CD2AP: variants seen among roughly 807,000 people sequenced by gnomAD.
CD2AP encodes the protein CD2-associated protein.
In CD2AP, 46 loss-of-function variants were observed where a neutral mutation model predicts 85.1. The observed-to-expected ratio is 0.54, with a 90% CI of 0.43 to 0.69. The LOEUF is 0.69. Ranked by LOEUF, CD2AP falls within the 30% of genes least tolerant of loss-of-function variation. CD2AP has a pLI of 0.00. For missense variants in CD2AP, 769 were observed against 729.5 expected, an observed-to-expected ratio of 1.05 and a Z score of -0.62; for synonymous variants, 255 against 252.9, an observed-to-expected ratio of 1.01 and a Z score of -0.08.
intron 1 of CD2AP, among the ~76,000 whole-genome samples, chr6:47,487,306 T>C (rs1582465310): frequency 6.6e-6 from 1 of 152,208 alleles, no homozygotes; most frequent in East Asian, 1.9e-4. Context: ...AGCCCTTTTT[T>C]CTCACAAAAT....
chr6:47,552,706 A>G (rs921011379), intron 4 of CD2AP, among the ~76,000 whole-genome samples: 13 of 152,180 alleles, frequency 8.5e-5, no homozygotes, highest in South Asian at 2.1e-4. Context: ...TAGGTAATAG[A>G]CAGCTGATGT....
intron 3 of CD2AP, among the ~76,000 whole-genome samples, chr6:47,540,630 A>G (rs1405925206): frequency 6.6e-6 from 1 of 152,018 alleles, no homozygotes; most frequent in Non-Finnish European, 1.5e-5. Context: ...GTTTAGTGTG[A>G]GAGGAAGAAA....
chr6:47,540,392 A>G (rs1767182409), intron 3 of CD2AP, among the ~76,000 whole-genome samples: 1 of 152,116 alleles, frequency 6.6e-6, no homozygotes, highest in Admixed American at 6.5e-5. Flanking sequence ...CAGTTAAATT[A>G]ATGGATGGAT....
intron 2 of CD2AP, among the ~76,000 whole-genome samples, chr6:47,527,152 G>A (rs1431874606): frequency 6.6e-6 from 1 of 151,824 alleles, no homozygotes; most frequent in African/African-American, 2.4e-5. Context: ...AAAAAGAAAA[G>A]TTTTTTTGAA....
chr6:47,547,462 G>A (rs12190577), intron 4 of CD2AP, among the ~76,000 whole-genome samples: 50,938 of 151,416 alleles, frequency 0.34, 9,372 homozygotes, highest in Middle Eastern at 0.53. Flanking sequence ...AAAAGGCCTT[G>A]TCCAACAAGA....
chr6:47,623,940 G>A (rs938677610), intron 17 of CD2AP, among the ~76,000 whole-genome samples: 1 of 151,972 alleles, frequency 6.6e-6, no homozygotes, highest in Non-Finnish European at 1.5e-5. Context: ...ATGCTCACAT[G>A]ACTTAACATT....
chr6:47,487,456 C>G (rs1157694066), intron 1 of CD2AP, among the ~76,000 whole-genome samples: 1 of 152,108 alleles, frequency 6.6e-6, no homozygotes, highest in East Asian at 1.9e-4. Context: ...TTTGGGAGGC[C>G]GAGGCGGACA....
At chr6:47,623,388 A>C (rs1417021572) in intron 17 of CD2AP, among the ~76,000 whole-genome samples, 1 of 152,210 alleles carries the variant, frequency 6.6e-6, no homozygotes, top group Non-Finnish European at 1.5e-5. Context: ...AATGTTATAG[A>C]ATTGAGAAGA....
In CD2AP at chr6:47,582,072, C is replaced by G. The variant is rs773716494; in HGVS notation, c.1108+7C>G. ...TTAAAGCCTGAAGAAAAGGGTGAGGCTAATTTTCAACTTTCAAAAAAGCAA... is the reference window on the plus strand; with the variant it reads ...TTAAAGCCTGAAGAAAAGGGTGAGGGTAATTTTCAACTTTCAAAAAAGCAA... On this transcript the variant is annotated splice_region_variant and intron_variant, in intron 11 of 17. Coordinates refer to ENST00000359314, the MANE Select transcript of CD2AP (RefSeq NM_012120.3). 6.5e-7 allele frequency: 1 copy of G among 1,549,004 alleles called. No individual in the cohort carries two copies. The highest frequency in any genetic ancestry group is 1.7e-5 in the Admixed American group (1 of 59,920).
chr6:47,597,164 A>G (rs574299694), intron 12 of CD2AP, among the ~76,000 whole-genome samples: 1 of 150,924 alleles, frequency 6.6e-6, no homozygotes, highest in African/African-American at 2.4e-5. Context: ...TTATAGTACA[A>G]ATCCAGTCAG....
intron 1 of CD2AP, among the ~76,000 whole-genome samples, chr6:47,493,177 C>T (rs1275890871): frequency 6.6e-6 from 1 of 151,986 alleles, no homozygotes; most frequent in Non-Finnish European, 1.5e-5. Flanking sequence ...TATGCTTCTT[C>T]TTCATATTGA....
At chr6:47,537,881 C>A (rs938894695) in intron 3 of CD2AP, among the ~76,000 whole-genome samples, 7 of 151,516 alleles carry the variant, frequency 4.6e-5, no homozygotes, top group African/African-American at 1.7e-4. Flanking sequence ...TCCCCAGTAG[C>A]TGGAATTACA....
intron 1 of CD2AP, among the ~76,000 whole-genome samples, chr6:47,499,307 A>ATATG (rs1554168148): frequency 2.7e-5 from 4 of 150,242 alleles, no homozygotes; most frequent in Admixed American, 2.7e-4. Context: ...GTGTATGTGC[A>ATATG]TGTGTGTGTG....
intron 4 of CD2AP, among the ~76,000 whole-genome samples, chr6:47,554,196 C>T (rs1391918018): frequency 2.0e-5 from 3 of 152,068 alleles, no homozygotes; most frequent in Non-Finnish European, 4.4e-5. Context: ...CAGACCTGAG[C>T]CACCGTGCCT....
intron 17 of CD2AP, among the ~76,000 whole-genome samples, chr6:47,620,914 A>G (rs2114164745): frequency 6.6e-6 from 1 of 152,298 alleles, no homozygotes; most frequent in South Asian, 2.1e-4. Flanking sequence ...ACTTCGCTGA[A>G]TTGTTTTATC....
rs561086231 is a variant in CD2AP at position 47,614,830 on chromosome 6, G to C, written c.1878+2294G>C. 1.1e-3 allele frequency among the ~76,000 whole-genome samples: 164 copies of C among 152,256 alleles called. No homozygotes were observed. The South Asian group carries it at 0.012, about 11-fold the overall frequency. On this transcript the variant is annotated intron_variant, in intron 17 of 17. Transcript: ENST00000359314. ...GCTATTTTCATTCTTTCTTTGCTCA[G>C]GGACAGGACTGGTAGTGGTGACATA...
chr6:47,546,872 G>GTT (rs1767377602), intron 4 of CD2AP, among the ~76,000 whole-genome samples: 1 of 152,054 alleles, frequency 6.6e-6, no homozygotes, highest in Non-Finnish European at 1.5e-5. Context: ...TTTCTATCTT[G>GTT]AGCCTCCTCA....
chr6:47,621,404 T>C (rs953148361), intron 17 of CD2AP, among the ~76,000 whole-genome samples: 3 of 152,220 alleles, frequency 2.0e-5, no homozygotes, highest in African/African-American at 7.2e-5. Context: ...CACTTGATCA[T>C]GGTGGATTAT....
chr6:47,485,073 T>C (rs777475480), intron 1 of CD2AP, among the ~76,000 whole-genome samples: 6 of 152,368 alleles, frequency 3.9e-5, no homozygotes, highest in Non-Finnish European at 7.3e-5. Context: ...GTATAGCATG[T>C]ACATACATTT....
Sources: allele counts gnomAD v4.1 joint callset (sites outside exome capture counted in the v4.1 genomes callset), GRCh38; gene constraint gnomAD v4.1.1; transcripts MANE v1.5; gene names NCBI Gene and HGNC (gene_info 2026-07-23, HGNC 2026-07-21).